LPAR4: variants seen among roughly 807,000 people sequenced by gnomAD.
LPAR4 encodes the protein G-protein coupled receptor 23.
In LPAR4, 14 loss-of-function variants were observed where a neutral mutation model predicts 9.2. The observed-to-expected ratio is 1.51, with a 90% CI of 1.00 to 2.37. The LOEUF (loss-of-function observed/expected upper bound fraction) is 2.37. Among genes scored for constraint, LPAR4 ranks in the 30% most tolerant of loss-of-function variants. LPAR4 has a pLI of 0.00. For synonymous variants in LPAR4, 131 were observed against 97.9 expected (o/e 1.34, Z -1.99); for missense variants, 251 against 272.1 (o/e 0.92, Z 0.55).
chrX:78,751,462 G>A (rs1925058768), intron 4 of LPAR4, among the ~76,000 whole-genome samples, 151 bp downstream of exon 4: 1 of 111,639 alleles, frequency 9.0e-6, no homozygotes, highest in African/African-American at 3.2e-5. Flanking sequence ...GATCTAGAAT[G>A]GATGGAGGAA....
Sources: gnomAD v4.1 joint callset for allele counts (sites outside exome capture counted in the v4.1 genomes callset) on GRCh38, gnomAD v4.1.1 for gene constraint, MANE v1.5 for transcripts, NCBI Gene and HGNC (gene_info 2026-07-23, HGNC 2026-07-21) for gene names.